CERT1: variants seen among roughly 807,000 people sequenced by gnomAD.
The protein encoded by CERT1 is ceramide transfer protein.
A neutral mutation model predicts 87.9 loss-of-function variants in CERT1; 31 were observed. The observed-to-expected ratio is 0.35, with a 90% CI of 0.27 to 0.48. The LOEUF (loss-of-function observed/expected upper bound fraction) is 0.48. CERT1 is among the 20% of genes least tolerant of loss of function. The probability of loss-of-function intolerance (pLI) is 0.99; values close to 1 mark genes in which losing one functional copy is unlikely to be tolerated. For synonymous variants in CERT1, 289 were observed against 250.9 expected (o/e 1.15, Z -1.44); for missense variants, 487 against 758.0 (o/e 0.64, Z 4.20).
At chr5:75,369,513 G>GA (rs578097631) in intron 17 of CERT1, 4,745 of 146,436 alleles carry the variant, frequency 0.032, 125 homozygotes, top group Admixed American at 0.073. Flanking sequence ...AGTCTAATGG[G>GA]AAAAAAAAAA....
intron 7 of CERT1, among the ~76,000 whole-genome samples, chr5:75,415,448 A>G (rs1580738627): frequency 6.6e-6 from 1 of 152,342 alleles, no homozygotes; most frequent in East Asian, 1.9e-4. Context: ...GCTACCCAAT[A>G]AAGAAAGAGA....
At chr5:75,372,826 C>A (rs1761130981), downstream of CERT1, 1 of 152,130 alleles carries the variant, frequency 6.6e-6, no homozygotes, top group African/African-American at 2.4e-5. Flanking sequence ...ACATGATTTT[C>A]CGCTTTACAA....
At chr5:75,369,650 G>A (rs1761014543) in intron 17 of CERT1, 1 of 152,200 alleles carries the variant, frequency 6.6e-6, no homozygotes, top group South Asian at 2.1e-4. Flanking sequence ...AGTCAGAAAA[G>A]GCATAGTGCC....
chr5:75,497,408 TTAA>T (rs1199541686), intron 2 of CERT1, among the ~76,000 whole-genome samples: 1 of 152,156 alleles, frequency 6.6e-6, no homozygotes, highest in Non-Finnish European at 1.5e-5. Context: ...TCCCCCTTGT[TTAA>T]TCAGTTAAGG....
intron 5 of CERT1, among the ~76,000 whole-genome samples, chr5:75,421,782 C>T (rs1385045375): frequency 1.3e-5 from 2 of 152,148 alleles, no homozygotes; most frequent in Non-Finnish European, 2.9e-5. Context: ...TACTTTTTTG[C>T]ATCATATCAA....
At chr5:75,399,253 G>C in intron 11 of CERT1, 57 bp downstream of exon 11, 1 of 1,295,120 alleles carries the variant, frequency 7.7e-7, no homozygotes, top group Non-Finnish European at 1.1e-6. Context: ...AACTGGGAAA[G>C]CAGGCTGAAA....
intron 11 of CERT1, among the ~76,000 whole-genome samples, chr5:75,396,952 CTAATAT>C (rs934998408): frequency 6.6e-6 from 1 of 151,776 alleles, no homozygotes; most frequent in Non-Finnish European, 1.5e-5. Flanking sequence ...TGTTTCTCAA[CTAATAT>C]TAACTCCAGA....
chr5:75,402,041 C>T (rs1322701579), intron 9 of CERT1: 2 of 152,120 alleles, frequency 1.3e-5, no homozygotes, highest in Non-Finnish European at 2.9e-5. Flanking sequence ...GTACTGTTGC[C>T]AAATTAAAGA....
intron 2 of CERT1, among the ~76,000 whole-genome samples, chr5:75,482,197 C>A (rs1429971976): frequency 6.6e-6 from 1 of 152,090 alleles, no homozygotes; most frequent in East Asian, 1.9e-4. Context: ...AAAGGAGAGA[C>A]CCAGGCCTTG....
intron 2 of CERT1, among the ~76,000 whole-genome samples, chr5:75,476,324 GA>G (rs1349719001): frequency 6.6e-6 from 1 of 151,510 alleles, no homozygotes; most frequent in African/African-American, 2.4e-5. Context: ...TGGAAATTGT[GA>G]TTTTTTTTTT....
chr5:75,469,103 A>C (rs1765595427), intron 2 of CERT1, among the ~76,000 whole-genome samples: 1 of 152,148 alleles, frequency 6.6e-6, no homozygotes, highest in Non-Finnish European at 1.5e-5. Context: ...TGAGAAAATT[A>C]ATGGATTGAA....
chr5:75,457,911 T>C (rs76041796), intron 3 of CERT1, among the ~76,000 whole-genome samples: 23,113 of 128,028 alleles, frequency 0.18, 1,895 homozygotes, highest in South Asian at 0.34. Context: ...TAGGCGCGCG[T>C]GTGTGTGTGT....
intron 3 of CERT1, among the ~76,000 whole-genome samples, chr5:75,458,551 A>G (rs1765095632): frequency 6.6e-6 from 1 of 151,952 alleles, no homozygotes; most frequent in African/African-American, 2.4e-5. Flanking sequence ...AATGAAAAAT[A>G]TTTATCTTTT....
In CERT1 at chr5:75,419,390, C is replaced by T. The variant is rs537822929; in HGVS notation, c.630G>A (p.Thr210=). The part of the protein sequence containing the change: ...VEDDEDDFPT[T]RSDGDFLHST... ...TATGCAAGAAGTCACCATCAGAACG[C>T]GTTGTAGGAAAGTCATCTTCATCAT... is the stretch of plus-strand genomic sequence containing the variant. Residue 210 remains threonine (T), a synonymous_variant, in exon 6 of 17, where the codon ACG becomes ACA. Coordinates refer to ENST00000643780, the MANE Select transcript of CERT1 (RefSeq NM_001379029.1). 2.5e-5 allele frequency: 41 copies of T among 1,612,566 alleles called. No homozygotes were observed. The highest frequency in any genetic ancestry group is 2.0e-4 in the Admixed American group (12 of 59,960).
chr5:75,506,682 G>C (rs1258743328), intron 1 of CERT1, among the ~76,000 whole-genome samples: 2 of 152,090 alleles, frequency 1.3e-5, no homozygotes, highest in Non-Finnish European at 2.9e-5. Context: ...TAGTAAGCTG[G>C]CATCAACTTT....
At chr5:75,421,258 A>G (rs1763366402) in intron 5 of CERT1, among the ~76,000 whole-genome samples, 1 of 152,160 alleles carries the variant, frequency 6.6e-6, no homozygotes, top group African/African-American at 2.4e-5. Flanking sequence ...TGTCTTTTTT[A>G]TGGATGCAGA....
intron 13 of CERT1, among the ~76,000 whole-genome samples, chr5:75,385,525 C>T (rs1483296444): frequency 6.6e-6 from 1 of 152,140 alleles, no homozygotes; most frequent in African/African-American, 2.4e-5. Flanking sequence ...CTAGGATTTA[C>T]CACGGAAACA....
At chr5:75,471,772 AAAAG>A (rs1561286783) in intron 2 of CERT1, among the ~76,000 whole-genome samples, 1 of 151,452 alleles carries the variant, frequency 6.6e-6, no homozygotes, top group Non-Finnish European at 1.5e-5. Flanking sequence ...AAAAAAAAAA[AAAAG>A]AAAAGGTGGT....
downstream of CERT1, chr5:75,376,632 T>C (rs1761327337): frequency 2.0e-5 from 3 of 152,248 alleles, no homozygotes; most frequent in South Asian, 4.1e-4. Flanking sequence ...GATATAAAAA[T>C]TGTCAGCACA....
Sources: gnomAD v4.1 joint callset for allele counts (sites outside exome capture counted in the v4.1 genomes callset) on GRCh38, gnomAD v4.1.1 for gene constraint, MANE v1.5 for transcripts, NCBI Gene and HGNC (gene_info 2026-07-23, HGNC 2026-07-21) for gene names.